The following RYR2 variants were observed in gnomAD, a reference collection of about 807,000 sequenced individuals.
RYR2 encodes ryanodine receptor 2, also known as cardiac muscle ryanodine receptor-calcium release channel.
In RYR2, 227 loss-of-function variants were observed where a neutral mutation model predicts 601.1. That is an observed-to-expected ratio of 0.38 (90% CI 0.34 to 0.42). The LOEUF (loss-of-function observed/expected upper bound fraction) is 0.42, where lower values mean the gene tolerates loss of function less well. Among genes scored for constraint, RYR2 ranks in the 10% least tolerant of loss-of-function variants. RYR2 has a pLI of 1.00. For missense variants in RYR2, 4,646 were observed against 6,156.5 expected (o/e 0.75, Z 8.21); for synonymous variants, 2,223 against 2,175.1 (o/e 1.02, Z -0.61).
rs2148723875 is a variant in RYR2, at chr1:237,638,396, C to T, written c.6832C>T (p.Gln2278Ter). 6.2e-7 allele frequency: 1 copy of T among 1,613,930 alleles called. No homozygotes were observed. The highest frequency in any genetic ancestry group is 8.5e-7 in the Non-Finnish European group (1 of 1,179,844). Residue 2278 changes from glutamine to a stop codon, truncating the protein, a stop_gained, in exon 45 of 105, where the codon CAG (glutamine) becomes TAG (stop). Coordinates refer to ENST00000366574, the MANE Select transcript of RYR2 (RefSeq NM_001035.3). LOFTEE classifies it high-confidence loss of function. ...YLAGCGLQSC[Q>*]MLVSKGYPDI... Reference sequence around the variant, plus strand: ...GGCTGGTTGTGGACTGCAAAGTTGCCAGATGCTGGTGTCTAAGGGCTATCC... The same window carrying T: ...GGCTGGTTGTGGACTGCAAAGTTGCTAGATGCTGGTGTCTAAGGGCTATCC...
chr1:237,801,859 G>A lies in RYR2; in HGVS notation c.14094G>A (p.Leu4698=). ...TTTTTTTTTTTTGTCATTGCAGACT[G>A]AACTCCATTGATGTGAAGTATCAGA... is the stretch of plus-strand genomic sequence containing the variant. ...PKKDSSLSAV[L]NSIDVKYQMW... The change falls in exon 98 of 105, where the codon CTG becomes CTA. Residue 4698 remains leucine, a synonymous_variant. Transcript: ENST00000366574. 6.4e-7 allele frequency: 1 copy of A among 1,574,270 alleles called. No individual in the cohort carries two copies. Among genetic ancestry groups the A allele is most frequent in the Non-Finnish European group, 8.7e-7 (1 of 1,152,894 alleles).
chr1:237,311,072 T>A (rs942232715), intron 2 of RYR2, among the ~76,000 whole-genome samples: 1 of 152,216 alleles, frequency 6.6e-6, no homozygotes, highest in African/African-American at 2.4e-5. Flanking sequence ...TAATTGAGTG[T>A]CAGCATTATC....
chr1:237,819,500 G>A lies in RYR2; in HGVS notation c.14590+308G>A, dbSNP rs1267562143. Among the ~76,000 whole-genome samples the A allele has an allele frequency of 6.6e-6, 1 of 152,074 alleles. No individual in the cohort carries two copies. Among genetic ancestry groups the A allele is most frequent in the Non-Finnish European group, 1.5e-5 (1 of 68,004 alleles). ...CATGAACCCCAGCTTTACAATCTTGGGTGGGTGAGCCATTTAACCCTTTAA... is the reference window on the plus strand; with the variant it reads ...CATGAACCCCAGCTTTACAATCTTGAGTGGGTGAGCCATTTAACCCTTTAA... On this transcript the variant is annotated intron_variant, in intron 101 of 104. Transcript: ENST00000366574. The surrounding 1 kb of genome is among the most constrained non-coding windows in gnomAD (Gnocchi z 4.0).
Position 237,771,494 on chromosome 1 carries a change from C to T in RYR2, c.11558-518C>T, listed in dbSNP as rs370911727. ...ATATAGAGTATCATTTCTTTTGCACCACTTCTCTTTACCTTGAGCGTATAC... is the reference window on the plus strand; with the variant it reads ...ATATAGAGTATCATTTCTTTTGCACTACTTCTCTTTACCTTGAGCGTATAC... On this transcript the variant is annotated intron_variant, in intron 85 of 104. Coordinates refer to ENST00000366574, the MANE Select transcript of RYR2 (RefSeq NM_001035.3). Among the ~76,000 whole-genome samples the T allele has an allele frequency of 2.6e-5, 4 of 151,606 alleles. No individual in the cohort carries two copies. The East Asian group carries it at 5.8e-4, about 22-fold the overall frequency.
chr1:237,052,354 C>T (rs1053295905), intron 1 of RYR2, among the ~76,000 whole-genome samples: 14 of 151,990 alleles, frequency 9.2e-5, no homozygotes, highest in African/African-American at 1.4e-4. Flanking sequence ...CCAAAACTCA[C>T]GGAGTAAATG....
In RYR2 at chr1:237,303,732, G is replaced by A. The variant is rs943342155; in HGVS notation, c.169-27146G>A. 4.6e-5 allele frequency among the ~76,000 whole-genome samples: 7 copies of A among 152,144 alleles called. No homozygotes were observed. In the East Asian group the frequency reaches 1.3e-3, roughly 29 times the overall value. ...CCTGGCAATCATATAAATTGTGACA[G>A]TCTTTGCAATCACATTGAGAGGTTT... On this transcript the variant is annotated intron_variant, in intron 2 of 104. Transcript: ENST00000366574.
At chr1:237,593,726 G>T in intron 33 of RYR2, 90 bp downstream of exon 33, 1 of 1,359,734 alleles carries the variant, frequency 7.4e-7, no homozygotes, top group Non-Finnish European at 1.0e-6. Flanking sequence ...TTGTGACCAA[G>T]GTATTTCTAT....
intron 1 of RYR2, among the ~76,000 whole-genome samples, chr1:237,113,666 T>C (rs1669746485): frequency 6.6e-6 from 1 of 152,042 alleles, no homozygotes; most frequent in Non-Finnish European, 1.5e-5. Context: ...TGCCATGAAA[T>C]AGTGTAAAAA....
chr1:237,190,887 G>A (rs1558397371), intron 1 of RYR2, among the ~76,000 whole-genome samples: 1 of 152,132 alleles, frequency 6.6e-6, no homozygotes, highest in South Asian at 2.1e-4. Flanking sequence ...TCTGTTGACT[G>A]TTTCCTTTGA....
chr1:237,117,323 G>T lies in RYR2; in HGVS notation c.48+74754G>T, dbSNP rs151068314. On this transcript the variant is annotated intron_variant, in intron 1 of 104. Transcript: ENST00000366574. ...GGTCACGAAAGACCTTCTCCATTACGCTAAGGGATTCTGACCCATTTCTCT... is the reference window on the plus strand; with the variant it reads ...GGTCACGAAAGACCTTCTCCATTACTCTAAGGGATTCTGACCCATTTCTCT... 9.2e-5 allele frequency among the ~76,000 whole-genome samples: 14 copies of T among 152,172 alleles called. No individual in the cohort carries two copies. In the South Asian group the frequency reaches 2.7e-3, roughly 29 times the overall value.
chr1:237,545,483 A>G (rs1382495667), intron 25 of RYR2, among the ~76,000 whole-genome samples: 1 of 152,188 alleles, frequency 6.6e-6, no homozygotes, highest in Non-Finnish European at 1.5e-5. Context: ...TCGAAACTTC[A>G]TCATCTGTGT....
intron 28 of RYR2, 40 bp downstream of exon 28, chr1:237,566,815 T>A (rs369811731): frequency 1.5e-5 from 24 of 1,592,510 alleles, no homozygotes; most frequent in Middle Eastern, 1.7e-4. Context: ...CTGTACGTGC[T>A]GGAGGCTCAT....
chr1:237,489,035 T>C (rs1450766965), intron 17 of RYR2, among the ~76,000 whole-genome samples: 1 of 152,176 alleles, frequency 6.6e-6, no homozygotes, highest in Non-Finnish European at 1.5e-5. Context: ...CAACCCTGCC[T>C]TTGTAGTGTG....
At chr1:237,643,543 C>T (rs755764681) in intron 48 of RYR2, 96 bp downstream of exon 48, 1 of 1,400,190 alleles carries the variant, frequency 7.1e-7, no homozygotes, top group Non-Finnish European at 1.0e-6. Flanking sequence ...AACCTCTCCA[C>T]TTCCTAAATT....
Position 237,232,157 on chromosome 1 carries a change from T to G in RYR2, c.49-38340T>G, listed in dbSNP as rs115800629. On this transcript the variant is annotated intron_variant, in intron 1 of 104. Coordinates refer to ENST00000366574, the MANE Select transcript of RYR2 (RefSeq NM_001035.3). ...AATCTCCAAAGTGATGTCTTTTGTA[T>G]GCTAATGAACTGATTGATGGCTTGC... Among the ~76,000 whole-genome samples, 612 of 152,308 alleles carry G rather than the reference T, an allele frequency of 4.0e-3. 3 individuals carry two copies. The highest frequency in any genetic ancestry group is 0.014 in the African/African-American group (572 of 41,576).
At chr1:237,153,374 C>A (rs898529334) in intron 1 of RYR2, among the ~76,000 whole-genome samples, 1 of 152,098 alleles carries the variant, frequency 6.6e-6, no homozygotes, top group African/African-American at 2.4e-5. Flanking sequence ...ACAGGGTCTT[C>A]CCTAGAAAGT....
Position 237,511,857 on chromosome 1 carries a change from A to AAAC in RYR2, c.2822+68_2822+70dup. ...CTGAAAAAAAAAAAAAAAAAAAAAA[A>AAAC]AACAGGTATTGATGCTATATGTTAA... On this transcript the variant is annotated intron_variant, in intron 24 of 104. Coordinates refer to ENST00000366574, the MANE Select transcript of RYR2 (RefSeq NM_001035.3). 7.4e-6 allele frequency: 7 copies of AAAC among 951,152 alleles called. No homozygotes were observed. The East Asian group carries it at 1.2e-4, about 16-fold the overall frequency. 58.9% of individuals were successfully genotyped at this position (951,152 alleles called of 1,614,324 possible). A position where few individuals can be genotyped will look rare whatever the true frequency, so the allele number is the denominator to read the frequency against.
At position 237,388,044 on chromosome 1, in the gene RYR2, T is replaced by C. The variant is rs981463401; in HGVS notation, c.677-43T>C. The C allele has an allele frequency of 2.6e-6, 4 of 1,541,014 alleles. No homozygotes were observed. The African/African-American group carries it at 4.1e-5, about 16-fold the overall frequency. On this transcript the variant is annotated intron_variant, in intron 9 of 104. Coordinates refer to ENST00000366574, the MANE Select transcript of RYR2 (RefSeq NM_001035.3). ...GATGATCTGTCTGGCTATCAGCACC[T>C]GACACTGACAGTCCAGACCTGAATG...
chr1:237,574,890 C>T (rs982311493), intron 29 of RYR2, among the ~76,000 whole-genome samples: 4 of 152,170 alleles, frequency 2.6e-5, no homozygotes. Context: ...AGAACCCAGC[C>T]CTACCATGCT....
Sources: allele counts gnomAD v4.1 joint callset (sites outside exome capture counted in the v4.1 genomes callset), GRCh38; gene constraint gnomAD v4.1.1; non-coding constraint Gnocchi (gnomAD v3.1); transcripts MANE v1.5; gene names NCBI Gene and HGNC (gene_info 2026-07-23, HGNC 2026-07-21).